Variants in MARCHF1 observed in about 807,000 individuals in gnomAD.
MARCHF1 encodes E3 ubiquitin-protein ligase MARCHF1.
In MARCHF1, 40 loss-of-function variants were observed where a neutral mutation model predicts 54.2. The ratio of observed to expected loss-of-function variants is 0.74; its 90% CI spans 0.57 to 0.96. The LOEUF (loss-of-function observed/expected upper bound fraction) is 0.96, where lower values mean the gene tolerates loss of function less well. Ranked by LOEUF, MARCHF1 falls within the 40% of genes least tolerant of loss-of-function variation. The pLI is 0.00. For missense variants in MARCHF1, 586 were observed against 656.5 expected (o/e 0.89, Z 1.17); for synonymous variants, 236 against 236.3 (o/e 1.00, Z 0.01).
At chr4:164,088,868 T>C (rs574163997) in intron 2 of MARCHF1, among the ~76,000 whole-genome samples, 1 of 152,164 alleles carries the variant, frequency 6.6e-6, no homozygotes, top group Non-Finnish European at 1.5e-5. Context: ...TTTTATACAA[T>C]AGGGATTATT....
At chr4:164,158,523 C>G (rs902398436) in intron 1 of MARCHF1, among the ~76,000 whole-genome samples, 6 of 152,176 alleles carry the variant, frequency 3.9e-5, no homozygotes, top group African/African-American at 1.4e-4. Flanking sequence ...CGCCTATAAT[C>G]CCAGCTACTT....
chr4:163,862,183 T>C (rs762085062), intron 3 of MARCHF1, among the ~76,000 whole-genome samples: 5 of 152,052 alleles, frequency 3.3e-5, no homozygotes, highest in South Asian at 2.1e-4. Flanking sequence ...AAAATCATGA[T>C]TCATGAAAGA....
At chr4:163,805,232 G>T (rs540208239) in intron 4 of MARCHF1, among the ~76,000 whole-genome samples, 1 of 151,816 alleles carries the variant, frequency 6.6e-6, no homozygotes, top group South Asian at 2.1e-4. Context: ...TCATTTAAAC[G>T]TTGTATTATT....
intron 3 of MARCHF1, among the ~76,000 whole-genome samples, chr4:163,886,289 A>G (rs1343201569): frequency 6.7e-6 from 1 of 148,766 alleles, no homozygotes; most frequent in Non-Finnish European, 1.5e-5. Flanking sequence ...ATATATAGAT[A>G]TATCTCTTAA....
intron 3 of MARCHF1, among the ~76,000 whole-genome samples, chr4:163,955,849 T>C (rs1752222521): frequency 6.6e-6 from 1 of 152,104 alleles, no homozygotes; most frequent in Non-Finnish European, 1.5e-5. Flanking sequence ...GAGTTTTATT[T>C]CCAATAATAT....
intron 3 of MARCHF1, among the ~76,000 whole-genome samples, chr4:163,984,839 A>C (rs1752831115): frequency 6.6e-6 from 1 of 152,226 alleles, no homozygotes; most frequent in Non-Finnish European, 1.5e-5. Flanking sequence ...TTAGAAAAGT[A>C]GGCAAATAAG....
chr4:163,680,629 C>T (rs1744071914), intron 5 of MARCHF1, among the ~76,000 whole-genome samples: 1 of 152,200 alleles, frequency 6.6e-6, no homozygotes, highest in African/African-American at 2.4e-5. Flanking sequence ...TGTCATCCTT[C>T]CTCTGTGGAA....
At chr4:164,114,892 T>G (rs1755909897) in intron 1 of MARCHF1, among the ~76,000 whole-genome samples, 1 of 151,340 alleles carries the variant, frequency 6.6e-6, no homozygotes, top group South Asian at 2.1e-4. Context: ...GCACATGAAA[T>G]TATCTCCCAC....
intron 4 of MARCHF1, among the ~76,000 whole-genome samples, chr4:163,762,528 G>A (rs995716641): frequency 2.6e-5 from 4 of 152,048 alleles, no homozygotes; most frequent in Admixed American, 1.3e-4. Flanking sequence ...TGTACACAAA[G>A]AGTTATGTAT....
At chr4:163,760,098 AG>A (rs1746788163) in intron 4 of MARCHF1, among the ~76,000 whole-genome samples, 1 of 152,218 alleles carries the variant, frequency 6.6e-6, no homozygotes, top group Admixed American at 6.5e-5. Flanking sequence ...GAAGGCTGTA[AG>A]GGGGAATCAG....
chr4:163,983,096 G>C (rs1269809621), intron 3 of MARCHF1, among the ~76,000 whole-genome samples: 2 of 152,148 alleles, frequency 1.3e-5, no homozygotes, highest in African/African-American at 4.8e-5. Context: ...ATGTCCATTA[G>C]AGGTGAGTCC....
At chr4:164,147,904 A>G (rs1729807112) in intron 1 of MARCHF1, among the ~76,000 whole-genome samples, 1 of 152,066 alleles carries the variant, frequency 6.6e-6, no homozygotes, top group African/African-American at 2.4e-5. Flanking sequence ...AGCTTGATTT[A>G]GCCTTTCCAT....
chr4:164,123,233 T>C (rs901012786), intron 1 of MARCHF1, among the ~76,000 whole-genome samples: 3 of 152,028 alleles, frequency 2.0e-5, no homozygotes, highest in Non-Finnish European at 4.4e-5. Context: ...CAAAATTAAG[T>C]ACCTAGGAAT....
chr4:163,889,038 G>A (rs1264594217), intron 3 of MARCHF1, among the ~76,000 whole-genome samples: 1 of 152,076 alleles, frequency 6.6e-6, no homozygotes, highest in Non-Finnish European at 1.5e-5. Context: ...AGCTTTGGGT[G>A]GATTTTTGAG....
chr4:163,879,440 T>C (rs1021558190), intron 3 of MARCHF1, among the ~76,000 whole-genome samples: 1 of 152,098 alleles, frequency 6.6e-6, no homozygotes, highest in Non-Finnish European at 1.5e-5. Context: ...AAAAAATAAA[T>C]CAATTTTACA....
At chr4:164,107,905 T>C (rs536594201) in intron 2 of MARCHF1, among the ~76,000 whole-genome samples, 1 of 152,106 alleles carries the variant, frequency 6.6e-6, no homozygotes, top group African/African-American at 2.4e-5. Context: ...AATTGGAAAA[T>C]CTCACTCCAT....
intron 3 of MARCHF1, among the ~76,000 whole-genome samples, chr4:163,883,961 C>T (rs992855113): frequency 3.4e-4 from 51 of 152,116 alleles, no homozygotes; most frequent in African/African-American, 1.2e-3. Flanking sequence ...CTTTGAATCA[C>T]ATGCACTGTG....
intron 5 of MARCHF1, among the ~76,000 whole-genome samples, chr4:163,679,762 A>G (rs1452628221): frequency 3.3e-5 from 5 of 151,606 alleles, no homozygotes; most frequent in South Asian, 2.1e-4. Flanking sequence ...ACGGGCGCCC[A>G]CCACCACGCC....
intron 1 of MARCHF1, chr4:164,189,226 G>A: frequency 1.8e-6 from 1 of 569,930 alleles, no homozygotes; most frequent in Non-Finnish European, 3.2e-6. Flanking sequence ...AGACGATAGG[G>A]CTGTGCAGAA....
Sources: allele counts gnomAD v4.1 joint callset (sites outside exome capture counted in the v4.1 genomes callset), GRCh38; gene constraint gnomAD v4.1.1; transcripts MANE v1.5; gene names NCBI Gene and HGNC (gene_info 2026-07-23, HGNC 2026-07-21).